The following ARMH4 variants were observed in gnomAD, a reference collection of about 807,000 sequenced individuals.
ARMH4 encodes the protein armadillo-like helical domain-containing protein 4.
ARMH4 carries 49 observed loss-of-function variants against 61.9 expected under a neutral mutation model. The observed-to-expected ratio is 0.79, with a 90% CI of 0.63 to 1.00. The LOEUF is 1.00. Among genes scored for constraint, ARMH4 ranks in the 50% least tolerant of loss-of-function variants. The probability of loss-of-function intolerance (pLI) is 0.00; values close to 1 mark genes in which losing one functional copy is unlikely to be tolerated. For synonymous variants in ARMH4, 368 were observed against 341.5 expected, an observed-to-expected ratio of 1.08 and a Z score of -0.85; for missense variants, 934 against 930.0, an observed-to-expected ratio of 1.00 and a Z score of -0.06.
At chr14:58,088,146 G>A (rs539024091) in intron 5 of ARMH4, among the ~76,000 whole-genome samples, 6 of 152,248 alleles carry the variant, frequency 3.9e-5, no homozygotes, top group African/African-American at 1.4e-4. Flanking sequence ...GATACAGCAG[G>A]ATATAAATAC....
At chr14:58,148,597 G>C (rs990626031) in intron 1 of ARMH4, among the ~76,000 whole-genome samples, 4 of 152,130 alleles carry the variant, frequency 2.6e-5, no homozygotes, top group Non-Finnish European at 5.9e-5. Flanking sequence ...ACAAAGAGGA[G>C]AGATTCCATA....
intron 5 of ARMH4, among the ~76,000 whole-genome samples, chr14:58,064,630 CATAAGAATTT>C (rs2141218781): frequency 6.6e-6 from 1 of 152,266 alleles, no homozygotes; most frequent in African/African-American, 2.4e-5. Context: ...CATTAGAATT[CATAAGAATTT>C]ATAAGAACTT....
chr14:58,019,867 T>C (rs967676153), intron 5 of ARMH4, among the ~76,000 whole-genome samples: 16 of 152,140 alleles, frequency 1.1e-4, no homozygotes, highest in African/African-American at 3.9e-4. Context: ...TGTGTTTTAA[T>C]GGGCTGTGGC....
At chr14:58,022,928 T>C (rs1263790753) in intron 5 of ARMH4, among the ~76,000 whole-genome samples, 1 of 152,240 alleles carries the variant, frequency 6.6e-6, no homozygotes, top group African/African-American at 2.4e-5. Flanking sequence ...ATATTTGCAC[T>C]ATAGTATAGT....
intron 5 of ARMH4, among the ~76,000 whole-genome samples, chr14:58,052,726 C>T (rs178476): frequency 0.014 from 2,199 of 152,238 alleles, 56 homozygotes; most frequent in African/African-American, 0.05. Flanking sequence ...ACATCATCAC[C>T]GACTCCCATG....
intron 5 of ARMH4, among the ~76,000 whole-genome samples, chr14:58,044,665 A>T (rs1164716598): frequency 6.6e-6 from 1 of 152,222 alleles, no homozygotes; most frequent in African/African-American, 2.4e-5. Flanking sequence ...AACTACCATC[A>T]GAGTGAACAG....
chr14:58,034,018 G>A (rs942923941), intron 5 of ARMH4, among the ~76,000 whole-genome samples: 1 of 114,268 alleles, frequency 8.8e-6, no homozygotes, highest in Admixed American at 8.5e-5. Context: ...ATCTAGCAAG[G>A]CAGGCCAACG....
At chr14:58,076,306 C>T (rs1179255368) in intron 5 of ARMH4, among the ~76,000 whole-genome samples, 2 of 152,186 alleles carry the variant, frequency 1.3e-5, no homozygotes, top group Non-Finnish European at 1.5e-5. Context: ...ATAAATGACC[C>T]TTTAGGTCTT....
In ARMH4 at chr14:58,096,366, G is replaced by A. The variant is rs147178137; in HGVS notation, c.2089+358C>T. The stretch of plus-strand genomic sequence containing the variant: ...GGTTACACGTATCTCCTCCCTGTGC[G>A]GATGTCCTCCTAAAGCCTACAACTG... On this transcript the variant is annotated intron_variant, in intron 5 of 7. Transcript: ENST00000267485. Among the ~76,000 whole-genome samples the A allele has an allele frequency of 5.3e-5, 8 of 152,220 alleles. No homozygotes were observed. The East Asian group carries it at 5.8e-4, about 11-fold the overall frequency.
intron 4 of ARMH4, among the ~76,000 whole-genome samples, chr14:58,098,077 C>T (rs778507911): frequency 5.9e-5 from 9 of 152,110 alleles, no homozygotes; most frequent in Non-Finnish European, 1.2e-4. Context: ...CTCGGCACAG[C>T]AGTTACTGCA....
chr14:58,077,052 C>T (rs1157216629), intron 5 of ARMH4, among the ~76,000 whole-genome samples: 2 of 152,202 alleles, frequency 1.3e-5, no homozygotes, highest in African/African-American at 4.8e-5. Flanking sequence ...CTCCATACCA[C>T]AGCCAACGTC....
At chr14:58,075,603 G>C (rs968030742) in intron 5 of ARMH4, among the ~76,000 whole-genome samples, 2 of 148,076 alleles carry the variant, frequency 1.4e-5, no homozygotes, top group African/African-American at 5.0e-5. Flanking sequence ...GGGCCTGTTG[G>C]GGGGTGGGGA....
chr14:58,036,844 G>A (rs1883502891), intron 5 of ARMH4, among the ~76,000 whole-genome samples: 2 of 128,028 alleles, frequency 1.6e-5, no homozygotes, highest in Admixed American at 1.5e-4. Context: ...CAACTTAAAG[G>A]GATGTGAAGG....
chr14:58,050,744 T>C (rs111805699), intron 5 of ARMH4, among the ~76,000 whole-genome samples: 60 of 152,258 alleles, frequency 3.9e-4, no homozygotes, highest in South Asian at 6.2e-4. Context: ...ATGTTAAGTA[T>C]ATGCATTGTT....
At chr14:58,056,687 G>T (rs1263571848) in intron 5 of ARMH4, among the ~76,000 whole-genome samples, 2 of 152,146 alleles carry the variant, frequency 1.3e-5, no homozygotes, top group African/African-American at 4.8e-5. Context: ...TCAGAAACCA[G>T]GTCCTGACTA....
At chr14:58,027,418 A>C (rs1354791980) in intron 5 of ARMH4, among the ~76,000 whole-genome samples, 3 of 152,168 alleles carry the variant, frequency 2.0e-5, no homozygotes, top group Non-Finnish European at 4.4e-5. Context: ...TCTAATTTAG[A>C]ACATAAGATC....
Position 58,086,654 on chromosome 14 carries a change from G to A in ARMH4, c.2089+10070C>T, listed in dbSNP as rs562137118. On this transcript the variant is annotated intron_variant, in intron 5 of 7. Coordinates refer to ENST00000267485, the MANE Select transcript of ARMH4 (RefSeq NM_001001872.4). ...TTGAAAATTTCAGGCCCAGAATGGC[G>A]ATCAGCTGGAAGAAAAATCCCTTTT... is the stretch of plus-strand genomic sequence containing the variant. Among the ~76,000 whole-genome samples the A allele has an allele frequency of 1.1e-3, 162 of 152,180 alleles. 1 individual carries two copies. Among genetic ancestry groups the A allele is most frequent in the African/African-American group, 3.6e-3 (151 of 41,514 alleles).
intron 4 of ARMH4, chr14:58,116,551 C>T (rs192750660): frequency 6.2e-4 from 119 of 191,304 alleles, no homozygotes; most frequent in African/African-American, 2.3e-3. Flanking sequence ...TGCTGCACAT[C>T]TCTAGTCCCA....
At chr14:58,014,448 C>T (rs1882525138) in intron 5 of ARMH4, among the ~76,000 whole-genome samples, 2 of 152,268 alleles carry the variant, frequency 1.3e-5, no homozygotes, top group South Asian at 4.1e-4. Context: ...TCTGGACCCA[C>T]AGCTTCCTTA....
Sources: gnomAD v4.1 joint callset for allele counts (sites outside exome capture counted in the v4.1 genomes callset) on GRCh38, gnomAD v4.1.1 for gene constraint, MANE v1.5 for transcripts, NCBI Gene and HGNC (gene_info 2026-07-23, HGNC 2026-07-21) for gene names.